Variants in ALMS1 observed in about 807,000 individuals in gnomAD.
ALMS1 encodes ALMS1 centrosome and basal body associated protein.
ALMS1 carries 271 observed loss-of-function variants against 352.2 expected under a neutral mutation model. The observed-to-expected ratio is 0.77, with a 90% CI of 0.70 to 0.85. The LOEUF (loss-of-function observed/expected upper bound fraction) is 0.85, where lower values mean the gene tolerates loss of function less well. Ranked by LOEUF, ALMS1 falls within the 40% of genes least tolerant of loss-of-function variation. The pLI is 0.00. For missense variants in ALMS1, 5,445 were observed against 4,870.7 expected, an observed-to-expected ratio of 1.12 and a Z score of -3.51; for synonymous variants, 1,865 against 1,761.2, an observed-to-expected ratio of 1.06 and a Z score of -1.48.
rs368354870 is a variant in ALMS1, at chr2:73,408,628, C to A, written c.331C>A (p.Pro111Thr). The A allele has an allele frequency of 1.2e-6, 2 of 1,612,754 alleles. No homozygotes were observed. Among genetic ancestry groups the A allele is most frequent in the African/African-American group, 1.3e-5 (1 of 74,794 alleles). ...GERTSLEKIV[P>T]LTCHVWQQIV... ...GCCTGCTTTTGATTTTCAGATTGTT[C>A]CATTGACCTGTCATGTATGGCAACA... The change falls in exon 2 of 23, where the codon CCA (proline) becomes ACA (threonine). Residue 111 changes from proline (P) to threonine (T), a missense_variant. Physicochemically the swap from Pro to Thr is conservative, Grantham distance 38. Coordinates refer to ENST00000613296, the MANE Select transcript of ALMS1 (RefSeq NM_001378454.1).
At chr2:73,487,117 A>G (rs1211109541) in intron 9 of ALMS1, among the ~76,000 whole-genome samples, 2 of 152,108 alleles carry the variant, frequency 1.3e-5, no homozygotes, top group Non-Finnish European at 2.9e-5. Flanking sequence ...CAAGCTGGAA[A>G]CCACTGTGGC....
At chr2:73,563,339 A>G (rs745336240) in intron 15 of ALMS1, among the ~76,000 whole-genome samples, 10 of 152,170 alleles carry the variant, frequency 6.6e-5, no homozygotes, top group East Asian at 1.9e-4. Context: ...TTTTGCATAA[A>G]TCTTTAAACA....
chr2:73,419,365 GTT>G, intron 3 of ALMS1, 47 bp downstream of exon 3: 1 of 1,574,294 alleles, frequency 6.4e-7, no homozygotes, highest in Non-Finnish European at 8.7e-7. Context: ...ACATTTGTAA[GTT>G]TTGCGGGGAC....
At chr2:73,478,855 A>T (rs1486898449) in intron 9 of ALMS1, among the ~76,000 whole-genome samples, 1 of 151,866 alleles carries the variant, frequency 6.6e-6, no homozygotes, top group Non-Finnish European at 1.5e-5. Context: ...GACCCCACCG[A>T]CAGGCCCCGG....
At chr2:73,517,981 G>A (rs1413419751) in intron 10 of ALMS1, among the ~76,000 whole-genome samples, 2 of 152,004 alleles carry the variant, frequency 1.3e-5, no homozygotes, top group Non-Finnish European at 2.9e-5. Context: ...TAAACTTTTA[G>A]GTTCAGGGGG....
intron 9 of ALMS1, among the ~76,000 whole-genome samples, chr2:73,489,135 G>A (rs1312328826): frequency 6.6e-6 from 1 of 152,210 alleles, no homozygotes; most frequent in Non-Finnish European, 1.5e-5. Flanking sequence ...AAATAGTGAT[G>A]ATAGTGGTGG....
intron 20 of ALMS1, 128 bp downstream of exon 20, chr2:73,602,496 A>G: frequency 8.7e-7 from 1 of 1,145,622 alleles, no homozygotes; most frequent in African/African-American, 1.5e-5. Flanking sequence ...TTTGCTTGCC[A>G]AGACTCAAAC....
intron 2 of ALMS1, among the ~76,000 whole-genome samples, chr2:73,410,752 G>A (rs533644402): frequency 2.6e-5 from 4 of 152,238 alleles, no homozygotes; most frequent in African/African-American, 9.6e-5. Context: ...GAAATGAAAC[G>A]ATCATGAGCA....
chr2:73,425,033 A>G, intron 5 of ALMS1, 131 bp downstream of exon 5: 2 of 689,706 alleles, frequency 2.9e-6, no homozygotes, highest in Non-Finnish European at 4.8e-6. Context: ...TGCACCACCC[A>G]GAAACGTGTG....
chr2:73,583,869 T>G (rs1343613259), intron 16 of ALMS1, among the ~76,000 whole-genome samples: 1 of 152,208 alleles, frequency 6.6e-6, no homozygotes, highest in Non-Finnish European at 1.5e-5. Context: ...ATCACACTAT[T>G]TTGATTACTG....
At chr2:73,492,811 T>C (rs553106294) in intron 10 of ALMS1, among the ~76,000 whole-genome samples, 2 of 152,286 alleles carry the variant, frequency 1.3e-5, no homozygotes, top group East Asian at 3.9e-4. Context: ...TGATGTGATC[T>C]TGGTTCACTG....
intron 3 of ALMS1, among the ~76,000 whole-genome samples, chr2:73,422,411 G>A (rs1232741427): frequency 1.3e-5 from 2 of 152,078 alleles, no homozygotes; most frequent in African/African-American, 2.4e-5. Context: ...GGGCCCAGGA[G>A]CTCCTGTGCT....
chr2:73,515,914 T>G (rs1172575206), intron 10 of ALMS1, among the ~76,000 whole-genome samples: 1 of 151,674 alleles, frequency 6.6e-6, no homozygotes, highest in African/African-American at 2.4e-5. Flanking sequence ...CAGGAAGAAA[T>G]GGAAATCATG....
At chr2:73,547,843 A>C (rs1220797369) in intron 12 of ALMS1, among the ~76,000 whole-genome samples, 2 of 152,218 alleles carry the variant, frequency 1.3e-5, no homozygotes, top group African/African-American at 4.8e-5. Flanking sequence ...CTGTTGCTTT[A>C]GACAGTACCA....
At chr2:73,433,892 T>C (rs1257498993) in intron 7 of ALMS1, among the ~76,000 whole-genome samples, 1 of 152,184 alleles carries the variant, frequency 6.6e-6, no homozygotes, top group Non-Finnish European at 1.5e-5. Flanking sequence ...TGTTTACATA[T>C]ATCTGTTCAT....
rs1440655340 is a variant in ALMS1, at chr2:73,452,449, A to G, written c.5922A>G (p.Ala1974=). Residue 1974 remains alanine, a synonymous_variant, in exon 8 of 23, where the codon GCA becomes GCG. Coordinates refer to ENST00000613296, the MANE Select transcript of ALMS1 (RefSeq NM_001378454.1). ...ALKVSPVSIP[A]EQKTGIPIGL... is the part of the protein sequence containing the mutation. ...AAGTTTCACCTGTTTCTATACCAGC[A>G]GAGCAGAAGACTGGGATACCAATAG... The G allele has an allele frequency of 1.2e-6, 2 of 1,613,978 alleles. No homozygotes were observed. The highest frequency in any genetic ancestry group is 1.7e-6 in the Non-Finnish European group (2 of 1,179,956).
intron 9 of ALMS1, among the ~76,000 whole-genome samples, chr2:73,487,164 T>C (rs1572966645): frequency 6.6e-6 from 1 of 152,206 alleles, no homozygotes; most frequent in African/African-American, 2.4e-5. Flanking sequence ...TTCACACTGC[T>C]GGGCACATTC....
At chr2:73,533,757 A>G (rs1027160252) in intron 11 of ALMS1, among the ~76,000 whole-genome samples, 4 of 152,220 alleles carry the variant, frequency 2.6e-5, no homozygotes, top group African/African-American at 9.7e-5. Context: ...CATATTTTTA[A>G]AATGAGATTC....
chr2:73,421,455 C>T (rs1036982359), intron 3 of ALMS1, among the ~76,000 whole-genome samples: 1 of 152,062 alleles, frequency 6.6e-6, no homozygotes, highest in African/African-American at 2.4e-5. Context: ...AGGACTGTTA[C>T]GGAGGTTTAA....
Sources: gnomAD v4.1 joint callset for allele counts (sites outside exome capture counted in the v4.1 genomes callset) on GRCh38, gnomAD v4.1.1 for gene constraint, MANE v1.5 for transcripts, NCBI Gene and HGNC (gene_info 2026-07-23, HGNC 2026-07-21) for gene names.